Variants in AQR observed in about 807,000 individuals in gnomAD.
The protein encoded by AQR is RNA helicase aquarius.
Under a neutral mutation model 180.5 loss-of-function variants are expected in AQR, and 61 were observed. The ratio of observed to expected loss-of-function variants is 0.34; its 90% CI spans 0.28 to 0.42. The LOEUF is 0.42. AQR is among the 10% of genes least tolerant of loss of function. The probability of loss-of-function intolerance (pLI) is 1.00; values close to 1 mark genes in which losing one functional copy is unlikely to be tolerated. For missense variants in AQR, 1,281 were observed against 1,798.3 expected, an observed-to-expected ratio of 0.71 and a Z score of 5.20; for synonymous variants, 551 against 588.8, an observed-to-expected ratio of 0.94 and a Z score of 0.93.
chr15:34,900,508 C>T (rs1893315642), intron 20 of AQR, 114 bp downstream of exon 20: 2 of 1,351,956 alleles, frequency 1.5e-6, no homozygotes, highest in East Asian at 4.7e-5. Flanking sequence ...GTAGGGACTG[C>T]TAAAACAAAA....
chr15:34,925,490 G>A (rs762117682), intron 13 of AQR, among the ~76,000 whole-genome samples: 8 of 152,202 alleles, frequency 5.3e-5, no homozygotes, highest in African/African-American at 1.2e-4. Context: ...GAATCAGTAC[G>A]AAAAGGATGC....
rs753980201 is a variant in AQR at position 34,948,278 on chromosome 15, C to T, written c.316G>A (p.Val106Met). ...CMVNEKFREN[V>M]PAWEIFKKKP... ...AAATCAGTTACCTCCCATGCAGGCA[C>T]GTTTTCTCTAAACTTCTCATTCACC... is the stretch of plus-strand genomic sequence containing the variant. Residue 106 changes from valine (V) to methionine (M), a missense_variant, in exon 5 of 35, where the codon GTG (valine) becomes ATG (methionine). Val to Met is a conservative substitution (Grantham distance 21). Around this residue, in one of 9 missense-constraint regions of AQR, gnomAD observed 404 missense variants for 490.9 expected, o/e 0.82. Transcript: ENST00000156471. 7 of 1,613,624 alleles carry T rather than the reference C, an allele frequency of 4.3e-6. No homozygotes were observed. The highest frequency in any genetic ancestry group is 2.2e-5 in the East Asian group (1 of 44,840).
intron 22 of AQR, 112 bp downstream of exon 22, chr15:34,896,785 G>T: frequency 1.2e-6 from 1 of 859,548 alleles, no homozygotes. Context: ...GGAGGCAGAG[G>T]CTGCAGTGAG....
rs766778287 is a variant in AQR at position 34,915,188 on chromosome 15, GA to G, written c.1343-10del. ...GGGAAGAGCAAGACAACCTGAAAAG[GA>G]AAAAAACATCCATATTTCAATTTTT... On this transcript the variant is annotated splice_polypyrimidine_tract_variant and intron_variant, in intron 15 of 34. Coordinates refer to ENST00000156471, the MANE Select transcript of AQR (RefSeq NM_014691.3). The G allele has an allele frequency of 1.7e-5, 27 of 1,561,110 alleles. No individual in the cohort carries two copies. Among genetic ancestry groups the G allele is most frequent in the Non-Finnish European group, 2.2e-5 (26 of 1,161,790 alleles).
At chr15:34,928,187 A>T (rs933854855) in intron 12 of AQR, among the ~76,000 whole-genome samples, 1 of 152,136 alleles carries the variant, frequency 6.6e-6, no homozygotes, top group South Asian at 2.1e-4. Context: ...AAGAAGAAAA[A>T]CAGAGATTTT....
In AQR at chr15:34,893,607, GCACACACACACACA is replaced by G. The variant is rs386382691; in HGVS notation, c.2571+42_2571+55del. On this transcript the variant is annotated intron_variant, in intron 23 of 34. Transcript: ENST00000156471. Reference sequence around the variant, plus strand: ...CATACCCATGTGCATGCGCATGCGTGCACACACACACACACACACACACACACACACACACACAC... The same window carrying G: ...CATACCCATGTGCATGCGCATGCGTGCACACACACACACACACACACACAC... 1.1e-3 allele frequency: 1,066 copies of G among 999,632 alleles called. 5 individuals are homozygous for G. Among genetic ancestry groups the G allele is most frequent in the African/African-American group, 9.2e-3 (579 of 63,092 alleles). The allele number at this position is 999,632 out of a possible 1,614,324, so 61.9% of individuals were successfully genotyped here. A position where few individuals can be genotyped will look rare whatever the true frequency, so the allele number is the denominator to read the frequency against.
In AQR at chr15:34,910,273, G is replaced by A; in HGVS notation, c.1525C>T (p.Arg509Ter). ...YGGVVFGGWA[R>*]MAQPIVAFTV... ...AAAGCCACAATGGGCTGGGCCATTC[G>A]CGCCCAACCACCAAACACTACACCG... Residue 509 changes from arginine (R) to a stop codon, truncating the protein, a stop_gained, in exon 17 of 35, where the codon CGA becomes TGA. Transcript: ENST00000156471. LOFTEE classifies it high-confidence loss of function. 2 of 1,613,838 alleles carry A rather than the reference G, an allele frequency of 1.2e-6. No homozygotes were observed. The highest frequency in any genetic ancestry group is 1.1e-5 in the South Asian group (1 of 91,066).
intron 1 of AQR, among the ~76,000 whole-genome samples, chr15:34,969,174 A>G (rs1264234710): frequency 6.6e-6 from 1 of 152,202 alleles, no homozygotes; most frequent in Non-Finnish European, 1.5e-5. Context: ...GCAGTCCAGC[A>G]TCACTCTGCT....
At chr15:34,907,465 T>C (rs1893435709) in intron 17 of AQR, among the ~76,000 whole-genome samples, 1 of 152,258 alleles carries the variant, frequency 6.6e-6, no homozygotes, top group South Asian at 2.1e-4. Flanking sequence ...TCTGATGTTT[T>C]TGTTAGCCAT....
chr15:34,905,140 G>A (rs1444634125), intron 18 of AQR, among the ~76,000 whole-genome samples: 1 of 151,558 alleles, frequency 6.6e-6, no homozygotes, highest in Non-Finnish European at 1.5e-5. Context: ...TCGAACTTTG[G>A]TTCCATTATG....
At position 34,964,331 on chromosome 15, in the gene AQR, G is replaced by C. The variant is rs562942992; in HGVS notation, c.76-41C>G. On this transcript the variant is annotated intron_variant, in intron 1 of 34. Transcript: ENST00000156471. ...TATAAACAGTAAGTCCCAGATTCTT[G>C]CCATTGTAGAGCTGGAAGACAGATC... 2.4e-4 allele frequency: 363 copies of C among 1,487,606 alleles called. 2 individuals are homozygous for C. In the East Asian group the frequency reaches 7.7e-3, roughly 32 times the overall value. 92.2% of individuals were successfully genotyped at this position (1,487,606 alleles called of 1,614,324 possible).
intron 19 of AQR, among the ~76,000 whole-genome samples, chr15:34,902,441 G>A (rs1455947689): frequency 6.6e-6 from 1 of 152,016 alleles, no homozygotes; most frequent in Non-Finnish European, 1.5e-5. Context: ...CCTAAACATA[G>A]GCAAGTTAAT....
chr15:34,924,617 G>C (rs888933551), intron 13 of AQR, among the ~76,000 whole-genome samples: 21 of 151,898 alleles, frequency 1.4e-4, no homozygotes, highest in Non-Finnish European at 2.9e-4. Context: ...TTTTTAGTAA[G>C]ATGGGGTTTC....
In AQR at chr15:34,862,469, T is replaced by TA. The variant is rs1301523630; in HGVS notation, c.4029+397dup. ...ATCTAATAACCTAATAGGCTGTTTT[T>TA]ACTGAGATGAAAATGAGATAATGTA... On this transcript the variant is annotated intron_variant, in intron 33 of 34. Transcript: ENST00000156471. 1.6e-4 allele frequency among the ~76,000 whole-genome samples: 24 copies of TA among 152,318 alleles called. No individual in the cohort carries two copies. The East Asian group carries it at 4.4e-3, about 28-fold the overall frequency.
At chr15:34,896,754 C>A in intron 22 of AQR, 143 bp downstream of exon 22, 2 of 702,812 alleles carry the variant, frequency 2.8e-6, no homozygotes, top group Non-Finnish European at 4.9e-6. Context: ...GAGGCTTAGG[C>A]AGAAGAATCA....
intron 29 of AQR, 158 bp downstream of exon 29, chr15:34,874,519 T>C: frequency 1.5e-6 from 1 of 683,190 alleles, no homozygotes; most frequent in Non-Finnish European, 2.4e-6. Flanking sequence ...CATTCACATC[T>C]CTTGCAGAAG....
chr15:34,926,092 G>A (rs1041208331), intron 13 of AQR, among the ~76,000 whole-genome samples: 1 of 152,180 alleles, frequency 6.6e-6, no homozygotes. Context: ...GCGTGAACCC[G>A]GGAGGCGGAA....
chr15:34,948,141 A>G (rs1199869398), intron 5 of AQR, 123 bp downstream of exon 5: 3 of 1,092,392 alleles, frequency 2.7e-6, no homozygotes, highest in African/African-American at 1.6e-5. Flanking sequence ...CTTTTTCTCA[A>G]TATTTGCTTT....
intron 32 of AQR, among the ~76,000 whole-genome samples, chr15:34,865,034 T>A (rs1892722260): frequency 6.6e-6 from 1 of 151,910 alleles, no homozygotes; most frequent in Non-Finnish European, 1.5e-5. Flanking sequence ...ACTACGAACA[T>A]AACAAACTAC....
Sources: gnomAD v4.1 joint callset for allele counts (sites outside exome capture counted in the v4.1 genomes callset) on GRCh38, gnomAD v4.1.1 for gene constraint, gnomAD v4.1.1 regional missense constraint, MANE v1.5 for transcripts, NCBI Gene and HGNC (gene_info 2026-07-23, HGNC 2026-07-21) for gene names.